The following C21orf91 variants were observed in gnomAD, a reference collection of about 807,000 sequenced individuals.
The protein encoded by C21orf91 is chromosome 21 open reading frame 91, also known as protein EURL homolog.
Under a neutral mutation model 32.9 loss-of-function variants are expected in C21orf91, and 26 were observed. That is an observed-to-expected ratio of 0.79 (90% CI 0.58 to 1.10). The LOEUF (loss-of-function observed/expected upper bound fraction) is 1.10. Among genes scored for constraint, C21orf91 ranks in the 50% least tolerant of loss-of-function variants. The probability of loss-of-function intolerance (pLI) is 0.00; values close to 1 mark genes in which losing one functional copy is unlikely to be tolerated. For missense variants in C21orf91, 310 were observed against 341.3 expected (o/e 0.91, Z 0.72); for synonymous variants, 126 against 120.4 (o/e 1.05, Z -0.31).
chr21:17,797,380 C>T (rs952128100), intron 2 of C21orf91, among the ~76,000 whole-genome samples: 10 of 151,824 alleles, frequency 6.6e-5, no homozygotes, highest in Admixed American at 6.6e-4. Flanking sequence ...GATGTTACTG[C>T]ACGATATAAA....
chr21:17,806,159 CCACTT>C (rs1398158330), intron 2 of C21orf91, among the ~76,000 whole-genome samples: 2 of 152,184 alleles, frequency 1.3e-5, no homozygotes, highest in South Asian at 2.1e-4. Context: ...GCCGCCTGCT[CCACTT>C]AAGTTCTGAG....
rs1466560750 is a variant in C21orf91 at position 17,789,836 on chromosome 21, T to TA, written c.*3578_*3579insT. 6.6e-6 allele frequency: 1 copy of TA among 152,112 alleles called. No homozygotes were observed. The highest frequency in any genetic ancestry group is 2.4e-5 in the African/African-American group (1 of 41,442). The allele number at this position is 152,112 out of a possible 1,614,324, so 9.4% of individuals were successfully genotyped here. ...CTGCCCCATGACCACAAAACTTTAC[T>TA]TGGTAAGAATAAACTGTTGGGGGTT... On this transcript the variant is annotated 3_prime_UTR_variant, in exon 5 of 5. Transcript: ENST00000284881.
intron 2 of C21orf91, among the ~76,000 whole-genome samples, chr21:17,800,920 G>A (rs996989182): frequency 1.3e-5 from 2 of 152,014 alleles, no homozygotes; most frequent in African/African-American, 4.8e-5. Context: ...GAGAGGATGT[G>A]GAGAAATAGG....
intron 2 of C21orf91, among the ~76,000 whole-genome samples, chr21:17,799,247 T>C (rs2062542539): frequency 1.3e-5 from 2 of 152,172 alleles, no homozygotes; most frequent in Non-Finnish European, 2.9e-5. Flanking sequence ...ATATAATAGA[T>C]ATCTATTTGA....
At chr21:17,808,665 GA>G (rs1393508652) in intron 2 of C21orf91, among the ~76,000 whole-genome samples, 1 of 152,238 alleles carries the variant, frequency 6.6e-6, no homozygotes, top group Non-Finnish European at 1.5e-5. Context: ...CTTATAGACA[GA>G]AAGGACTTGC....
chr21:17,818,372 C>T (rs1187240420), intron 1 of C21orf91, 47 bp from the exon 2 acceptor site: 12 of 1,535,758 alleles, frequency 7.8e-6, no homozygotes, highest in Non-Finnish European at 1.1e-5. Flanking sequence ...ATGAACCTGC[C>T]TTTGGGGTAG....
chr21:17,797,253 G>C (rs1412986622), intron 2 of C21orf91, 135 bp from the exon 3 acceptor site: 2 of 553,036 alleles, frequency 3.6e-6, no homozygotes, highest in Non-Finnish European at 6.3e-6. Flanking sequence ...AAGAATATTA[G>C]TATTAATATA....
At chr21:17,794,383 T>C (rs2062502172) in intron 4 of C21orf91, among the ~76,000 whole-genome samples, 1 of 152,218 alleles carries the variant, frequency 6.6e-6, no homozygotes, top group African/African-American at 2.4e-5. Flanking sequence ...TAACTTTAAA[T>C]GGTGTGATAA....
intron 2 of C21orf91, among the ~76,000 whole-genome samples, chr21:17,807,355 T>C (rs1189998589): frequency 1.3e-5 from 2 of 152,166 alleles, no homozygotes; most frequent in Non-Finnish European, 2.9e-5. Flanking sequence ...GTCATGATTG[T>C]AAGTTTTCTG....
chr21:17,814,134 T>C (rs149440857), intron 2 of C21orf91, among the ~76,000 whole-genome samples: 11 of 152,314 alleles, frequency 7.2e-5, no homozygotes, highest in African/African-American at 2.4e-4. Flanking sequence ...ACCAACAGTA[T>C]TGAAACCCTG....
At chr21:17,798,219 A>C (rs1335354985) in intron 2 of C21orf91, among the ~76,000 whole-genome samples, 1 of 152,220 alleles carries the variant, frequency 6.6e-6, no homozygotes, top group Non-Finnish European at 1.5e-5. Context: ...TTTCCTTTAA[A>C]AATTGAACTC....
intron 2 of C21orf91, among the ~76,000 whole-genome samples, chr21:17,813,600 A>C (rs1186517473): frequency 1.3e-5 from 2 of 152,192 alleles, no homozygotes; most frequent in Admixed American, 1.3e-4. Context: ...TTACACTGAA[A>C]ACTTTGTTTG....
chr21:17,794,315 G>A (rs1181366316), intron 4 of C21orf91, among the ~76,000 whole-genome samples: 4 of 152,094 alleles, frequency 2.6e-5, no homozygotes, highest in Non-Finnish European at 5.9e-5. Flanking sequence ...AGACAACTGC[G>A]GAATCTGAAC....
chr21:17,805,326 G>T (rs1431757742), intron 2 of C21orf91, among the ~76,000 whole-genome samples: 1 of 152,070 alleles, frequency 6.6e-6, no homozygotes, highest in Admixed American at 6.6e-5. Context: ...CTGATTGATT[G>T]ATTTTAGATG....
At chr21:17,818,369 T>C (rs779333420) in intron 1 of C21orf91, 44 bp from the exon 2 acceptor site, 3 of 1,551,440 alleles carry the variant, frequency 1.9e-6, no homozygotes, top group Non-Finnish European at 2.6e-6. Context: ...TTCATGAACC[T>C]GCCTTTGGGG....
chr21:17,800,534 T>C (rs919787004), intron 2 of C21orf91, among the ~76,000 whole-genome samples: 1 of 152,100 alleles, frequency 6.6e-6, no homozygotes, highest in Non-Finnish European at 1.5e-5. Context: ...TCCCAGTGAG[T>C]TTCCCAACTG....
intron 2 of C21orf91, 125 bp downstream of exon 2, chr21:17,818,067 C>T: frequency 1.7e-6 from 1 of 594,452 alleles, no homozygotes; most frequent in Non-Finnish European, 2.8e-6. Context: ...TTTAACAAAT[C>T]TCTACACTAT....
intron 2 of C21orf91, among the ~76,000 whole-genome samples, chr21:17,803,547 G>A (rs2062576342): frequency 6.6e-6 from 1 of 152,084 alleles, no homozygotes; most frequent in Non-Finnish European, 1.5e-5. Flanking sequence ...TTTTATGGAG[G>A]CTCACATTTG....
intron 4 of C21orf91, 53 bp from the exon 5 acceptor site, chr21:17,793,634 G>A: frequency 8.3e-7 from 1 of 1,207,666 alleles, no homozygotes; most frequent in Non-Finnish European, 1.2e-6. Context: ...CCGGTGCTAT[G>A]ATTTATATTT....
Sources: gnomAD v4.1 joint callset for allele counts (sites outside exome capture counted in the v4.1 genomes callset) on GRCh38, gnomAD v4.1.1 for gene constraint, MANE v1.5 for transcripts, NCBI Gene and HGNC (gene_info 2026-07-23, HGNC 2026-07-21) for gene names.